The following SIMC1 variants were observed in gnomAD, a reference collection of about 807,000 sequenced individuals.
The protein encoded by SIMC1 is SUMO-interacting motif-containing protein 1.
A neutral mutation model predicts 82.3 loss-of-function variants in SIMC1; 55 were observed. That is an observed-to-expected ratio of 0.67 (90% CI 0.54 to 0.84). The LOEUF is 0.84. Among genes scored for constraint, SIMC1 ranks in the 40% least tolerant of loss-of-function variants. SIMC1 has a pLI of 0.00. For missense variants in SIMC1, 915 were observed against 1,107.2 expected, an observed-to-expected ratio of 0.83 and a Z score of 2.46; for synonymous variants, 353 against 426.3, an observed-to-expected ratio of 0.83 and a Z score of 2.12.
chr5:176,313,160 A>C, intron 4 of SIMC1: 1 of 586,864 alleles, frequency 1.7e-6, no homozygotes, highest in Non-Finnish European at 2.3e-6. Flanking sequence ...GACTTGGCTC[A>C]ATCAGCTCGC....
In SIMC1 at chr5:176,289,663, G is replaced by T; in HGVS notation, c.139G>T (p.Asp47Tyr). 1 of 1,591,722 alleles carries T rather than the reference G, an allele frequency of 6.3e-7. No homozygotes were observed. The highest frequency in any genetic ancestry group is 1.8e-5 in the Admixed American group (1 of 56,474). Residue 47 changes from aspartate to tyrosine, a missense_variant, in exon 2 of 10, where the codon GAC becomes TAC. This residue lies in a region of SIMC1 where 902 missense variants were observed against 1,040.3 expected (regional missense o/e 0.87). Transcript: ENST00000429602. ...ALPRRTVDFIDLTRETRPRTK... is the reference protein window; with the variant it reads ...ALPRRTVDFIYLTRETRPRTK... ...CACAATCCTTCAACAGGACTTCATT[G>T]ACTTAACTAGAGAGACCAGACCAAG...
At position 176,251,756 on chromosome 5, in the gene SIMC1, A is replaced by C. The variant is rs932177826; in HGVS notation, c.129+13119A>C. Among the ~76,000 whole-genome samples, 9 of 151,090 alleles carry C rather than the reference A, an allele frequency of 6.0e-5. No individual in the cohort carries two copies. The East Asian group carries it at 9.7e-4, about 16-fold the overall frequency. ...TTCCGCAGTGTTTGTGTCCCTGGGT[A>C]CTTGAGATTAGGGAGTGGTGATGAC... On this transcript the variant is annotated intron_variant, in intron 1 of 9. Transcript: ENST00000429602.
At chr5:176,283,294 A>G (rs567440981) in intron 1 of SIMC1, among the ~76,000 whole-genome samples, 1 of 152,350 alleles carries the variant, frequency 6.6e-6, no homozygotes, top group South Asian at 2.1e-4. Flanking sequence ...GTTACCCACA[A>G]AGGGAAGCCC....
chr5:176,329,496 TAAAAAAAA>T (rs60571584), intron 7 of SIMC1, among the ~76,000 whole-genome samples: 6 of 126,594 alleles, frequency 4.7e-5, no homozygotes, highest in African/African-American at 1.5e-4. Context: ...ACTCCCTCTT[TAAAAAAAA>T]AAAAAAAAAA....
At chr5:176,252,657 T>G (rs1237974344) in intron 1 of SIMC1, among the ~76,000 whole-genome samples, 1 of 132,440 alleles carries the variant, frequency 7.6e-6, no homozygotes, top group Non-Finnish European at 1.6e-5. Flanking sequence ...CTTTCCAGAC[T>G]GGGCAGCCAG....
At position 176,323,415 on chromosome 5, in the gene SIMC1, T is replaced by C. The variant is rs1041497833; in HGVS notation, c.2042+990T>C. Among the ~76,000 whole-genome samples the C allele has an allele frequency of 3.9e-5, 6 of 152,230 alleles. No homozygotes were observed. The South Asian group carries it at 1.2e-3, about 32-fold the overall frequency. On this transcript the variant is annotated intron_variant, in intron 6 of 9. Transcript: ENST00000429602. ...AATAGGGTCCCCTAAAAGTCAATTT[T>C]GTTATGATCTTAACAACAATAGTAG... is the stretch of plus-strand genomic sequence containing the variant.
At chr5:176,312,249 C>T (rs1254019817) in intron 4 of SIMC1, among the ~76,000 whole-genome samples, 1 of 152,074 alleles carries the variant, frequency 6.6e-6, no homozygotes, top group Non-Finnish European at 1.5e-5. Flanking sequence ...AAAAATCTAG[C>T]ACAAGGCCAG....
At chr5:176,330,704 A>G (rs1205100152) in intron 7 of SIMC1, among the ~76,000 whole-genome samples, 6 of 152,206 alleles carry the variant, frequency 3.9e-5, no homozygotes, top group Admixed American at 6.5e-5. Flanking sequence ...CCTTTCTTAC[A>G]GTAAAAAGCC....
rs534001214 is a variant in SIMC1 at position 176,333,951 on chromosome 5, G to GT, written c.2172-2757dup. Among the ~76,000 whole-genome samples, 939 of 136,758 alleles carry GT rather than the reference G, an allele frequency of 6.9e-3. 2 individuals are homozygous for GT. The highest frequency in any genetic ancestry group is 0.015 in the Middle Eastern group (4 of 264). The allele number at this position is 136,758 out of a possible 152,430, so 89.7% of individuals were successfully genotyped here. ...CAATCTGCTGTTAAGTCTATTATTG[G>GT]TTTTTTTTTTTTGGAACTAGAGTTA... On this transcript the variant is annotated intron_variant, in intron 7 of 9. Coordinates refer to ENST00000429602, the MANE Select transcript of SIMC1 (RefSeq NM_001308195.2).
chr5:176,279,612 G>A (rs1762887831), intron 1 of SIMC1, among the ~76,000 whole-genome samples: 2 of 150,246 alleles, frequency 1.3e-5, no homozygotes, highest in Admixed American at 1.3e-4. Flanking sequence ...TGGGCATTTA[G>A]TGCTATAAAT....
chr5:176,313,874 G>C, intron 5 of SIMC1, 29 bp downstream of exon 5: 1 of 1,612,178 alleles, frequency 6.2e-7, no homozygotes, highest in Non-Finnish European at 8.5e-7. Context: ...CCTCGGATGA[G>C]AAGAGGTAAG....
At chr5:176,336,594 C>A in intron 7 of SIMC1, 126 bp from the exon 8 acceptor site, 1 of 1,316,488 alleles carries the variant, frequency 7.6e-7, no homozygotes, top group Non-Finnish European at 1.0e-6. Flanking sequence ...ATTCTGTGGG[C>A]TTCCATGGTA....
chr5:176,336,716 A>G lies in SIMC1; in HGVS notation c.2172-4A>G. 1 of 1,613,776 alleles carries G rather than the reference A, an allele frequency of 6.2e-7. No individual in the cohort carries two copies. Among genetic ancestry groups the G allele is most frequent in the Admixed American group, 1.7e-5 (1 of 60,008 alleles). ...TTAACTCCCTCTTCCTCTTCTCCAC[A>G]CAGAGAAATGTTCTTTACTACCATG... is the stretch of plus-strand genomic sequence containing the variant. On this transcript the variant is annotated splice_region_variant and splice_polypyrimidine_tract_variant and intron_variant, in intron 7 of 9. Transcript: ENST00000429602.
Position 176,279,748 on chromosome 5 carries a change from G to T in SIMC1, c.130-9906G>T, listed in dbSNP as rs1445984465. ...CGTTATGTACCCAGTAGTCATTCAG[G>T]AGCAGGTTGTTCAGTTTCCATGTAG... On this transcript the variant is annotated intron_variant, in intron 1 of 9. Transcript: ENST00000429602. Among the ~76,000 whole-genome samples the T allele has an allele frequency of 1.3e-4, 19 of 151,376 alleles. 1 individual carries two copies. In the South Asian group the frequency reaches 3.6e-3, roughly 29 times the overall value.
intron 1 of SIMC1, among the ~76,000 whole-genome samples, chr5:176,286,547 T>A (rs1763294674): frequency 6.6e-6 from 1 of 152,170 alleles, no homozygotes; most frequent in African/African-American, 2.4e-5. Flanking sequence ...GAAGAAAACC[T>A]AGGCAATACC....
intron 4 of SIMC1, among the ~76,000 whole-genome samples, chr5:176,305,254 C>T (rs866430270): frequency 2.6e-5 from 1 of 37,978 alleles, no homozygotes; most frequent in Non-Finnish European, 5.9e-5. Flanking sequence ...TCTGCCCGGC[C>T]GCCCCTACTG....
intron 1 of SIMC1, among the ~76,000 whole-genome samples, chr5:176,288,014 A>G (rs1230408614): frequency 6.6e-6 from 1 of 152,194 alleles, no homozygotes; most frequent in African/African-American, 2.4e-5. Context: ...TTGAAAGACA[A>G]GAAACTCCAA....
intron 1 of SIMC1, among the ~76,000 whole-genome samples, chr5:176,245,738 G>A (rs1350436383): frequency 1.3e-5 from 2 of 152,134 alleles, no homozygotes; most frequent in Non-Finnish European, 2.9e-5. Context: ...AATAAACTAT[G>A]TGTGTATTCA....
At chr5:176,315,083 A>T (rs561992149) in intron 5 of SIMC1, among the ~76,000 whole-genome samples, 1 of 152,314 alleles carries the variant, frequency 6.6e-6, no homozygotes, top group South Asian at 2.1e-4. Flanking sequence ...TTGTTTTGCC[A>T]TAAAGGAATG....
Sources: allele counts gnomAD v4.1 joint callset (sites outside exome capture counted in the v4.1 genomes callset), GRCh38; gene constraint gnomAD v4.1.1; regional missense constraint gnomAD v4.1.1; transcripts MANE v1.5; gene names NCBI Gene and HGNC (gene_info 2026-07-23, HGNC 2026-07-21).